Variants in RYR2 observed in about 807,000 individuals in gnomAD.
The protein encoded by RYR2 is cardiac muscle ryanodine receptor-calcium release channel.
RYR2 carries 227 observed loss-of-function variants against 601.1 expected under a neutral mutation model. That is an observed-to-expected ratio of 0.38 (90% CI 0.34 to 0.42). The LOEUF is 0.42. RYR2 is among the 10% of genes least tolerant of loss of function. RYR2 has a pLI of 1.00. For missense variants in RYR2, 4,646 were observed against 6,156.5 expected (o/e 0.75, Z 8.21); for synonymous variants, 2,223 against 2,175.1 (o/e 1.02, Z -0.61).
At chr1:237,142,923 G>A (rs1387278967) in intron 1 of RYR2, among the ~76,000 whole-genome samples, 1 of 152,018 alleles carries the variant, frequency 6.6e-6, no homozygotes, top group African/African-American at 2.4e-5. Flanking sequence ...CTCCCCACTG[G>A]GAAAGACATG....
In RYR2 at chr1:237,795,481, T is replaced by TCACTC. The variant is rs1414968508; in HGVS notation, c.13956+152_13956+156dup. 3 of 488,706 alleles carry TCACTC rather than the reference T, an allele frequency of 6.1e-6. No individual in the cohort carries two copies. The East Asian group carries it at 1.1e-4, about 19-fold the overall frequency. The allele number at this position is 488,706 out of a possible 1,614,324, so 30.3% of individuals were successfully genotyped here. On this transcript the variant is annotated intron_variant, in intron 96 of 104. Transcript: ENST00000366574. ...TTTTTTTAATTTTTGAGATGGAGTCTCACTCCGTCACCCAGGCTGGAGTGC... is the reference window on the plus strand; with the variant it reads ...TTTTTTTAATTTTTGAGATGGAGTCTCACTCCACTCCGTCACCCAGGCTGGAGTGC...
intron 101 of RYR2, among the ~76,000 whole-genome samples, chr1:237,824,536 A>G (rs948658658): frequency 1.3e-4 from 17 of 127,126 alleles, no homozygotes; most frequent in African/African-American, 4.8e-4. Flanking sequence ...TCTGAAAATA[A>G]TAAGAGCTAT....
chr1:237,583,033 A>G (rs545810724), intron 29 of RYR2, among the ~76,000 whole-genome samples: 3 of 152,130 alleles, frequency 2.0e-5, no homozygotes, highest in African/African-American at 7.2e-5. Flanking sequence ...CAACTTATTT[A>G]CATTCCCACC....
At chr1:237,348,651 A>T (rs1698503020) in intron 3 of RYR2, among the ~76,000 whole-genome samples, 2 of 152,222 alleles carry the variant, frequency 1.3e-5, no homozygotes. Context: ...AAACAGAATT[A>T]GCTTGTATAC....
chr1:237,065,648 C>T (rs912924156), intron 1 of RYR2, among the ~76,000 whole-genome samples: 3 of 152,152 alleles, frequency 2.0e-5, no homozygotes, highest in African/African-American at 7.2e-5. Context: ...ATGGGAGCCA[C>T]TGTTTTGTTC....
intron 1 of RYR2, among the ~76,000 whole-genome samples, chr1:237,200,491 CT>C (rs1681073182): frequency 1.3e-5 from 2 of 152,184 alleles, no homozygotes; most frequent in Non-Finnish European, 2.9e-5. Flanking sequence ...TCTTGAACTC[CT>C]GGTCTCAAGT....
At chr1:237,094,524 C>T (rs12131634) in intron 1 of RYR2, among the ~76,000 whole-genome samples, 16,242 of 152,202 alleles carry the variant, frequency 0.11, 1,176 homozygotes, top group Middle Eastern at 0.23. Context: ...TAATTTTTAT[C>T]AAACTCTTCA....
intron 1 of RYR2, among the ~76,000 whole-genome samples, chr1:237,133,561 TATAG>T (rs1386191410): frequency 6.6e-6 from 1 of 152,154 alleles, no homozygotes; most frequent in Non-Finnish European, 1.5e-5. Context: ...GAAGAAAACA[TATAG>T]ATACTGTATG....
intron 2 of RYR2, among the ~76,000 whole-genome samples, chr1:237,283,734 A>T (rs1691144617): frequency 6.6e-6 from 1 of 152,220 alleles, no homozygotes; most frequent in African/African-American, 2.4e-5. Context: ...AATAATGCTT[A>T]ATCCTATATA....
intron 17 of RYR2, among the ~76,000 whole-genome samples, chr1:237,477,823 G>A (rs902392891): frequency 1.7e-4 from 26 of 152,238 alleles, no homozygotes; most frequent in Admixed American, 6.5e-4. Flanking sequence ...CTTTTAAAGT[G>A]GGAGCATATG....
rs1272385442 is a variant in RYR2 at position 237,708,877 on chromosome 1, A to G, written c.9921A>G (p.Ile3307Met). The change falls in exon 69 of 105, where the codon ATA (isoleucine) becomes ATG (methionine). Residue 3307 changes from isoleucine to methionine, a missense_variant. This residue lies in a region of RYR2 where 1,497 missense variants were observed against 1,842.6 expected (regional missense o/e 0.81). Coordinates refer to ENST00000366574, the MANE Select transcript of RYR2 (RefSeq NM_001035.3). ...AAACAGTGTTTTCCCAGCCTATAAT[A>G]AATAAAGTGAAACCTCAGCTCTTGA... ...KRLAVFSQPI[I>M]NKVKPQLLKT... is the part of the protein sequence containing the mutation. 1 of 1,610,382 alleles carries G rather than the reference A, an allele frequency of 6.2e-7. No individual in the cohort carries two copies. The highest frequency in any genetic ancestry group is 1.3e-5 in the African/African-American group (1 of 74,866).
At position 237,667,940 on chromosome 1, in the gene RYR2, ATGGAGT is replaced by A. The variant is rs794728835; in HGVS notation, c.8579_8584del (p.Leu2860_Glu2861del). ...TAATATATGGGCAAAGAAAAAGAAAATGGAGTTGGAGTCCAAAGGTAATATTTTCTA... is the reference window on the plus strand; with the variant it reads ...TAATATATGGGCAAAGAAAAAGAAAATGGAGTCCAAAGGTAATATTTTCTA... On this transcript the variant is annotated inframe_deletion, in exon 58 of 105. Coordinates refer to ENST00000366574, the MANE Select transcript of RYR2 (RefSeq NM_001035.3). 27 of 1,578,586 alleles carry A rather than the reference ATGGAGT, an allele frequency of 1.7e-5. No homozygotes were observed. The Admixed American group carries it at 4.7e-4, about 27-fold the overall frequency.
chr1:237,075,214 GC>G (rs1329635751), intron 1 of RYR2, among the ~76,000 whole-genome samples: 1 of 152,092 alleles, frequency 6.6e-6, no homozygotes, highest in Non-Finnish European at 1.5e-5. Context: ...TTTTCTCTAT[GC>G]TTAGAGGGGG....
rs1659884264 is a variant in RYR2, at chr1:237,800,924, A to G, written c.14091-932A>G. Among the ~76,000 whole-genome samples the G allele has an allele frequency of 2.6e-5, 4 of 152,186 alleles. No homozygotes were observed. In the South Asian group the frequency reaches 6.2e-4, roughly 24 times the overall value. On this transcript the variant is annotated intron_variant, in intron 97 of 104. Coordinates refer to ENST00000366574, the MANE Select transcript of RYR2 (RefSeq NM_001035.3). The stretch of plus-strand genomic sequence containing the variant: ...TACCAGCACCCACAACTGTAAGACA[A>G]TGTGGAAAATAATAATAAAAGGAAT...
At chr1:237,048,992 C>T (rs1660924796) in intron 1 of RYR2, among the ~76,000 whole-genome samples, 1 of 152,104 alleles carries the variant, frequency 6.6e-6, no homozygotes, top group Non-Finnish European at 1.5e-5. Flanking sequence ...CTTCTGGAAG[C>T]AGAAGAGTAG....
intron 13 of RYR2, among the ~76,000 whole-genome samples, chr1:237,441,798 C>T (rs1228978786): frequency 5.3e-5 from 8 of 152,184 alleles, no homozygotes; most frequent in African/African-American, 1.7e-4. Context: ...CCGTTACTGA[C>T]ATCCCCTTGC....
intron 4 of RYR2, among the ~76,000 whole-genome samples, chr1:237,362,804 T>C (rs1193574441): frequency 6.6e-6 from 1 of 152,200 alleles, no homozygotes; most frequent in African/African-American, 2.4e-5. Flanking sequence ...GTGTCTTACA[T>C]CTGCTCTTCT....
intron 24 of RYR2, among the ~76,000 whole-genome samples, chr1:237,521,931 A>G (rs1667128540): frequency 6.6e-6 from 1 of 151,768 alleles, no homozygotes; most frequent in Non-Finnish European, 1.5e-5. Context: ...CACACATTCC[A>G]TTCCACCACA....
intron 90 of RYR2, 32 bp from the exon 91 acceptor site, chr1:237,785,937 C>G (rs765146846): frequency 1.3e-6 from 2 of 1,487,112 alleles, no homozygotes; most frequent in Non-Finnish European, 1.9e-6. Flanking sequence ...ATGGGTAATC[C>G]TGGTTTTCTT....
Sources: gnomAD v4.1 joint callset for allele counts (sites outside exome capture counted in the v4.1 genomes callset) on GRCh38, gnomAD v4.1.1 for gene constraint, gnomAD v4.1.1 regional missense constraint, MANE v1.5 for transcripts, NCBI Gene and HGNC (gene_info 2026-07-23, HGNC 2026-07-21) for gene names.